Variants in MRPS21 observed in about 807,000 individuals in gnomAD.
MRPS21 encodes the protein small ribosomal subunit protein bS21m.
In MRPS21, 8 loss-of-function variants were observed where a neutral mutation model predicts 9.9. That is an observed-to-expected ratio of 0.81 (90% CI 0.47 to 1.45). The LOEUF is 1.45. Ranked by LOEUF, MRPS21 falls within the 40% of genes most tolerant of loss-of-function variation. The pLI is 0.00. For synonymous variants in MRPS21, 40 were observed against 40.3 expected, an observed-to-expected ratio of 0.99 and a Z score of 0.03; for missense variants, 101 against 118.9, an observed-to-expected ratio of 0.85 and a Z score of 0.70.
Position 150,294,887 on chromosome 1 carries a change from ACT to A in MRPS21, c.83+441_83+442del, listed in dbSNP as rs587630805. The stretch of plus-strand genomic sequence containing the variant: ...GCACTCCAGCCTGGGCAAGAGTGAG[ACT>A]CTATCTCAAAAAAAAAGAAAAAAAG... On this transcript the variant is annotated intron_variant, in intron 2 of 2. Transcript: ENST00000614145. Among the ~76,000 whole-genome samples, 15 of 82,078 alleles carry A rather than the reference ACT, an allele frequency of 1.8e-4. No individual in the cohort carries two copies. The South Asian group carries it at 4.9e-3, about 27-fold the overall frequency. The allele number at this position is 82,078 out of a possible 152,430, so 53.8% of individuals were successfully genotyped here.
At chr1:150,297,278 G>T (rs1232114345) in intron 2 of MRPS21, among the ~76,000 whole-genome samples, 1 of 114,320 alleles carries the variant, frequency 8.7e-6, no homozygotes, top group Non-Finnish European at 1.7e-5. Flanking sequence ...GCAACAGAGC[G>T]AGACTCTGTC....
At chr1:150,306,657 G>A (rs781944762) in intron 2 of MRPS21, among the ~76,000 whole-genome samples, 1 of 152,018 alleles carries the variant, frequency 6.6e-6, no homozygotes, top group African/African-American at 2.4e-5. Context: ...CACCATGCCC[G>A]GCTAATTTTG....
chr1:150,303,182 T>G (rs1553857939), intron 2 of MRPS21, among the ~76,000 whole-genome samples: 1 of 152,236 alleles, frequency 6.6e-6, no homozygotes, highest in East Asian at 1.9e-4. Context: ...ACTTTTAAAC[T>G]GTCTTTGTCA....
intron 2 of MRPS21, among the ~76,000 whole-genome samples, chr1:150,296,896 G>A (rs1367309009): frequency 3.3e-5 from 5 of 152,210 alleles, no homozygotes; most frequent in South Asian, 4.1e-4. Flanking sequence ...TATTGGTAGG[G>A]TTCTTGAGGA....
rs782147675 is a variant in MRPS21, at chr1:150,308,089, G to A, written c.125G>A (p.Arg42Gln). ...GGGCTCATTGAGGACATTAAGCATC[G>A]GCGGTATTATGAGAAGCCATGCTGC... ...MDGLIEDIKH[R>Q]RYYEKPCCRR... Residue 42 changes from arginine (R) to glutamine (Q), a missense_variant, in exon 3 of 3, where the codon CGG (arginine) becomes CAG (glutamine). Coordinates refer to ENST00000614145, the MANE Select transcript of MRPS21 (RefSeq NM_031901.6). The A allele has an allele frequency of 2.5e-5, 40 of 1,600,964 alleles. No individual in the cohort carries two copies. The highest frequency in any genetic ancestry group is 5.0e-5 in the Admixed American group (3 of 59,802).
chr1:150,302,919 G>C (rs16835872), intron 2 of MRPS21, among the ~76,000 whole-genome samples: 3,074 of 152,218 alleles, frequency 0.02, 131 homozygotes, highest in African/African-American at 0.071. Context: ...AATTTATTTG[G>C]TCTGTGTTTT....
At chr1:150,307,948 TATAA>T in intron 2 of MRPS21, 96 bp from the exon 3 acceptor site, 1 of 1,164,270 alleles carries the variant, frequency 8.6e-7, no homozygotes, top group Non-Finnish European at 1.2e-6. Flanking sequence ...CTGTATTTTT[TATAA>T]ATACCAATTG....
At chr1:150,298,828 C>T (rs1378350101) in intron 2 of MRPS21, among the ~76,000 whole-genome samples, 3 of 152,006 alleles carry the variant, frequency 2.0e-5, no homozygotes, top group Admixed American at 6.6e-5. Flanking sequence ...TCTCGATCTC[C>T]TGACCTCGTG....
intron 2 of MRPS21, among the ~76,000 whole-genome samples, chr1:150,303,427 C>A (rs1260068903): frequency 1.3e-5 from 2 of 152,166 alleles, no homozygotes; most frequent in African/African-American, 4.8e-5. Context: ...TTAGATCATT[C>A]TTTTATCCAA....
chr1:150,295,372 G>A (rs1397572048), intron 2 of MRPS21, among the ~76,000 whole-genome samples: 1 of 152,054 alleles, frequency 6.6e-6, no homozygotes, highest in African/African-American at 2.4e-5. Context: ...GACTAGCTGG[G>A]TCTAGTGACG....
chr1:150,297,680 G>A (rs1653966003), intron 2 of MRPS21, among the ~76,000 whole-genome samples: 1 of 149,396 alleles, frequency 6.7e-6, no homozygotes. Flanking sequence ...AAAAAATCTG[G>A]TCTGGGGTCA....
At chr1:150,306,561 C>G (rs1560067232) in intron 2 of MRPS21, among the ~76,000 whole-genome samples, 1 of 151,762 alleles carries the variant, frequency 6.6e-6, no homozygotes, top group Non-Finnish European at 1.5e-5. Context: ...AGTGGCGCAA[C>G]CTTGGCTTAC....
intron 2 of MRPS21, among the ~76,000 whole-genome samples, chr1:150,301,490 G>GAGACT (rs1214031699): frequency 3.2e-4 from 48 of 152,326 alleles, no homozygotes; most frequent in African/African-American, 1.1e-3. Context: ...GGACGAGAGC[G>GAGACT]AGACTTCGTC....
intron 2 of MRPS21, among the ~76,000 whole-genome samples, chr1:150,307,220 G>C (rs1475608816): frequency 6.6e-6 from 1 of 151,326 alleles, no homozygotes; most frequent in African/African-American, 2.4e-5. Context: ...GCTAATTTTT[G>C]TATTTTTAGT....
At chr1:150,297,443 G>A (rs1051574085) in intron 2 of MRPS21, among the ~76,000 whole-genome samples, 4 of 152,084 alleles carry the variant, frequency 2.6e-5, no homozygotes, top group South Asian at 2.1e-4. Context: ...AGGTTCAGGC[G>A]GGTGGATCAC....
At chr1:150,297,121 C>T (rs1192648358) in intron 2 of MRPS21, among the ~76,000 whole-genome samples, 4 of 151,384 alleles carry the variant, frequency 2.6e-5, no homozygotes, top group Admixed American at 6.6e-5. Flanking sequence ...GAAACCCCGT[C>T]TCTACTAAAA....
At chr1:150,301,801 A>G (rs782716662) in intron 2 of MRPS21, among the ~76,000 whole-genome samples, 13 of 151,806 alleles carry the variant, frequency 8.6e-5, no homozygotes, top group Non-Finnish European at 1.6e-4. Context: ...GGGTTTCACG[A>G]TGTTGGCCAG....
At chr1:150,293,995 T>G in intron 1 of MRPS21, 97 bp downstream of exon 1, 1 of 246,282 alleles carries the variant, frequency 4.1e-6, no homozygotes, top group Non-Finnish European at 8.3e-6. Context: ...CAACAAAGAG[T>G]CCTTCCCCAA....
rs1461597281 is a variant in MRPS21, at chr1:150,293,895, CGAGGT to C, written c.-33+2_-33+6del. The C allele has an allele frequency of 5.9e-6, 1 of 170,100 alleles. No homozygotes were observed. Among genetic ancestry groups the C allele is most frequent in the Non-Finnish European group, 1.3e-5 (1 of 77,428 alleles). The allele number at this position is 170,100 out of a possible 1,614,324, so 10.5% of individuals were successfully genotyped here. ...TCCGGTGGGCTAGGTACTGAGCGCG[CGAGGT>C]GAGGAGTTGTGCAGGGTTTGGGGAA... is the stretch of plus-strand genomic sequence containing the variant. On this transcript the variant is annotated splice_donor_variant and 5_prime_UTR_variant, in exon 1 of 3. Transcript: ENST00000614145. LOFTEE classifies it low-confidence loss of function (5UTR_SPLICE).
Sources: allele counts gnomAD v4.1 joint callset (sites outside exome capture counted in the v4.1 genomes callset), GRCh38; gene constraint gnomAD v4.1.1; transcripts MANE v1.5; gene names NCBI Gene and HGNC (gene_info 2026-07-23, HGNC 2026-07-21).